The following NLGN4X variants were observed in gnomAD, a reference collection of about 807,000 sequenced individuals.
NLGN4X encodes neuroligin 4 X-linked.
Under a neutral mutation model 40.3 loss-of-function variants are expected in NLGN4X, and 3 were observed. That is an observed-to-expected ratio of 0.07 (90% CI 0.03 to 0.19). The LOEUF (loss-of-function observed/expected upper bound fraction) is 0.19. NLGN4X is among the 10% of genes least tolerant of loss of function. The pLI, the probability that NLGN4X is intolerant of heterozygous loss-of-function variation, is 1.00. For synonymous variants in NLGN4X, 270 were observed against 306.8 expected (o/e 0.88, Z 1.25); for missense variants, 382 against 708.3 (o/e 0.54, Z 5.23).
At chrX:6,150,339 A>C (rs984053832) in intron 2 of NLGN4X, among the ~76,000 whole-genome samples, 1 of 112,364 alleles carries the variant, frequency 8.9e-6, no homozygotes, top group Admixed American at 9.5e-5. Context: ...TAAAAAAGGA[A>C]ATTTTTAAAA....
In NLGN4X at chrX:5,955,837, T is replaced by C. The variant is rs771348832; in HGVS notation, c.626-46598A>G. The stretch of plus-strand genomic sequence containing the variant: ...CACTAAAAAAAAAAAAAAGACAAAA[T>C]CCTGTATAAGACCACACCAACACAC... On this transcript the variant is annotated intron_variant, in intron 3 of 5. Coordinates refer to ENST00000381095, the MANE Select transcript of NLGN4X (RefSeq NM_181332.3). Among the ~76,000 whole-genome samples the C allele has an allele frequency of 8.1e-3, 732 of 90,321 alleles. 5 individuals are homozygous for C. The highest frequency in any genetic ancestry group is 0.013 in the Non-Finnish European group (603 of 45,290). 78.4% of individuals were successfully genotyped at this position (90,321 alleles called of 115,157 possible). A position where few individuals can be genotyped will look rare whatever the true frequency, so the allele number is the denominator to read the frequency against.
intron 1 of NLGN4X, among the ~76,000 whole-genome samples, chrX:6,190,621 T>A (rs1328726119): frequency 8.9e-6 from 1 of 111,864 alleles, no homozygotes; most frequent in African/African-American, 3.3e-5. Context: ...ATCACAAAAG[T>A]ATTCTACCCA....
intron 1 of NLGN4X, chrX:6,186,765 T>A (rs1922049095): frequency 8.9e-6 from 1 of 111,978 alleles, no homozygotes; most frequent in Non-Finnish European, 1.9e-5. Context: ...ACATAAGCCT[T>A]ACTCACCATT....
intron 2 of NLGN4X, among the ~76,000 whole-genome samples, chrX:6,094,028 T>C (rs1278185967): frequency 8.9e-6 from 1 of 111,941 alleles, no homozygotes; most frequent in African/African-American, 3.2e-5. Flanking sequence ...GATGATTTGA[T>C]AGACAATTAC....
chrX:6,095,470 G>A (rs981801620), intron 2 of NLGN4X, among the ~76,000 whole-genome samples: 1 of 111,591 alleles, frequency 9.0e-6, no homozygotes, highest in Non-Finnish European at 1.9e-5. Flanking sequence ...TACTAAAAGA[G>A]GTTTTGTTTC....
At position 6,021,743 on chromosome X, in the gene NLGN4X, G is replaced by GT. The variant is rs1288731897; in HGVS notation, c.625+7536dup. ...GACATTGTGTTGTGTTTTTTTGTTT[G>GT]TTTTTTTTTTTGTTTTGCAAAGTGT... is the stretch of plus-strand genomic sequence containing the variant. On this transcript the variant is annotated intron_variant, in intron 3 of 5. Transcript: ENST00000381095. Among the ~76,000 whole-genome samples the GT allele has an allele frequency of 5.2e-3, 534 of 102,213 alleles. 5 individuals are homozygous for GT. The highest frequency in any genetic ancestry group is 0.016 in the African/African-American group (420 of 26,798). The allele number at this position is 102,213 out of a possible 115,157, so 88.8% of individuals were successfully genotyped here.
intron 1 of NLGN4X, among the ~76,000 whole-genome samples, chrX:6,199,417 A>T (rs1429564436): frequency 8.9e-6 from 1 of 111,930 alleles, no homozygotes; most frequent in Non-Finnish European, 1.9e-5. Flanking sequence ...GAATAAGTTT[A>T]AAAATAGAGG....
chrX:6,054,731 C>G (rs1004188484), intron 2 of NLGN4X, among the ~76,000 whole-genome samples: 2 of 111,030 alleles, frequency 1.8e-5, no homozygotes, highest in Non-Finnish European at 3.8e-5. Context: ...AAACTTGGCT[C>G]ACTGCAACCT....
chrX:5,996,601 C>CTT (rs112441616), intron 3 of NLGN4X, among the ~76,000 whole-genome samples: 2,304 of 95,321 alleles, frequency 0.024, 93 homozygotes, highest in African/African-American at 0.083. Flanking sequence ...CCCTTTTCAC[C>CTT]TTTTTTTTTT....
chrX:5,982,746 T>C (rs1177831709), intron 3 of NLGN4X, among the ~76,000 whole-genome samples: 1 of 112,065 alleles, frequency 8.9e-6, no homozygotes, highest in Non-Finnish European at 1.9e-5. Flanking sequence ...TGGTCCCAGC[T>C]ACTGGGGAGG....
intron 3 of NLGN4X, among the ~76,000 whole-genome samples, chrX:5,970,005 A>T (rs2034972849): frequency 2.5e-5 from 2 of 78,648 alleles, no homozygotes; most frequent in South Asian, 2.0e-3. Flanking sequence ...TGGGAACATC[A>T]CACACCGGGG....
intron 2 of NLGN4X, among the ~76,000 whole-genome samples, chrX:6,055,058 A>T: frequency 8.9e-6 from 1 of 112,457 alleles, no homozygotes; most frequent in Non-Finnish European, 1.9e-5. Context: ...CAATGGATCA[A>T]CAGAGCAATC....
intron 3 of NLGN4X, among the ~76,000 whole-genome samples, chrX:5,930,782 A>G (rs1450937897): frequency 3.6e-5 from 4 of 112,326 alleles, no homozygotes; most frequent in Admixed American, 1.9e-4. Context: ...GCAAAGAGAA[A>G]TATCTACCAG....
intron 2 of NLGN4X, among the ~76,000 whole-genome samples, chrX:6,117,168 G>A (rs2039321777): frequency 9.1e-6 from 1 of 110,363 alleles, no homozygotes; most frequent in Non-Finnish European, 1.9e-5. Context: ...TCTCTCCCTT[G>A]ACTGCCTCCT....
At chrX:6,114,050 C>T (rs748207209) in intron 2 of NLGN4X, among the ~76,000 whole-genome samples, 5 of 111,453 alleles carry the variant, frequency 4.5e-5, no homozygotes, top group African/African-American at 9.8e-5. Flanking sequence ...TGAACTCCTA[C>T]CTCAAGTGAT....
intron 3 of NLGN4X, among the ~76,000 whole-genome samples, chrX:6,008,686 T>C (rs1441714485): frequency 8.9e-6 from 1 of 112,029 alleles, no homozygotes; most frequent in African/African-American, 3.2e-5. Flanking sequence ...TACTGTGATA[T>C]AGAGAATATG....
intron 2 of NLGN4X, among the ~76,000 whole-genome samples, chrX:6,070,630 G>A (rs752462368): frequency 5.2e-4 from 58 of 112,063 alleles, no homozygotes; most frequent in African/African-American, 1.7e-3. Flanking sequence ...GCATGTGCCT[G>A]TAGTCCTAGT....
intron 1 of NLGN4X, among the ~76,000 whole-genome samples, chrX:6,173,151 C>T (rs945967888): frequency 1.8e-5 from 2 of 112,444 alleles, no homozygotes; most frequent in East Asian, 2.8e-4. Flanking sequence ...ATTTCATCTG[C>T]TCCCTGTGGA....
At chrX:6,179,244 G>A (rs1602376106) in intron 1 of NLGN4X, among the ~76,000 whole-genome samples, 1 of 111,191 alleles carries the variant, frequency 9.0e-6, no homozygotes, top group African/African-American at 3.3e-5. Flanking sequence ...AGCTAAGAGA[G>A]CTCCTATCCA....
Sources: allele counts gnomAD v4.1 joint callset (sites outside exome capture counted in the v4.1 genomes callset), GRCh38; gene constraint gnomAD v4.1.1; transcripts MANE v1.5; gene names NCBI Gene and HGNC (gene_info 2026-07-23, HGNC 2026-07-21).